ADAMTSL1: variants seen among roughly 807,000 people sequenced by gnomAD.
ADAMTSL1 encodes the protein ADAMTS like 1.
In ADAMTSL1, 126 loss-of-function variants were observed where a neutral mutation model predicts 201.8. That is an observed-to-expected ratio of 0.62 (90% CI 0.54 to 0.72). The LOEUF is 0.72. Among genes scored for constraint, ADAMTSL1 ranks in the 30% least tolerant of loss-of-function variants. The pLI is 0.00. For synonymous variants in ADAMTSL1, 1,121 were observed against 903.4 expected, an observed-to-expected ratio of 1.24 and a Z score of -4.32; for missense variants, 2,679 against 2,277.8, an observed-to-expected ratio of 1.18 and a Z score of -3.59.
intron 1 of ADAMTSL1, among the ~76,000 whole-genome samples, chr9:18,049,467 A>G (rs968903856): frequency 6.6e-6 from 1 of 152,164 alleles, no homozygotes; most frequent in Non-Finnish European, 1.5e-5. Flanking sequence ...GGACATCGGT[A>G]TGTCTAGATA....
intron 2 of ADAMTSL1, among the ~76,000 whole-genome samples, chr9:18,525,931 G>A (rs1270394281): frequency 2.0e-5 from 3 of 152,212 alleles, no homozygotes; most frequent in Non-Finnish European, 4.4e-5. Context: ...TTGATTTGGG[G>A]TGGAGAGTTT....
At chr9:18,646,821 G>A (rs1827843715) in intron 7 of ADAMTSL1, among the ~76,000 whole-genome samples, 1 of 152,068 alleles carries the variant, frequency 6.6e-6, no homozygotes, top group African/African-American at 2.4e-5. Context: ...TTGCATCAAT[G>A]TTCATCAAGG....
At chr9:18,702,532 G>A (rs1831980869) in intron 13 of ADAMTSL1, among the ~76,000 whole-genome samples, 1 of 152,082 alleles carries the variant, frequency 6.6e-6, no homozygotes, top group Admixed American at 6.5e-5. Flanking sequence ...TCTAATTAAA[G>A]AATATATTTT....
intron 3 of ADAMTSL1, among the ~76,000 whole-genome samples, chr9:18,541,530 T>G (rs1032647536): frequency 6.6e-6 from 1 of 151,484 alleles, no homozygotes; most frequent in Non-Finnish European, 1.5e-5. Flanking sequence ...AAAAAAAAAT[T>G]TATGGGTGGG....
rs1214251260 is a variant in ADAMTSL1, at chr9:18,286,299, TA to T, written c.207+122322del. Among the ~76,000 whole-genome samples, 5 of 152,304 alleles carry T rather than the reference TA, an allele frequency of 3.3e-5. No individual in the cohort carries two copies. In the East Asian group the frequency reaches 9.6e-4, roughly 29 times the overall value. ...CATTTAAACTTAGAAAAGTAGTACA[TA>T]AAATGTTCATGAAATACATGAATGG... On this transcript the variant is annotated intron_variant, in intron 2 of 29. Coordinates refer to the ADAMTSL1 transcript ENST00000680146.
chr9:18,841,647 G>A (rs1355505524), intron 23 of ADAMTSL1, among the ~76,000 whole-genome samples: 2 of 152,172 alleles, frequency 1.3e-5, no homozygotes, highest in Non-Finnish European at 2.9e-5. Context: ...GTAGAATTCG[G>A]CTGTGAATCC....
At chr9:18,438,635 A>AG (rs1164887959) in intron 2 of ADAMTSL1, among the ~76,000 whole-genome samples, 1 of 151,990 alleles carries the variant, frequency 6.6e-6, no homozygotes, top group Non-Finnish European at 1.5e-5. Context: ...GTTACCCTAG[A>AG]GGGGGCTGCA....
chr9:17,957,717 C>G (rs556667932), intron 1 of ADAMTSL1, among the ~76,000 whole-genome samples: 2 of 152,242 alleles, frequency 1.3e-5, no homozygotes, highest in East Asian at 3.9e-4. Flanking sequence ...AGAGCAGACC[C>G]TAAATCTGAT....
intron 1 of ADAMTSL1, among the ~76,000 whole-genome samples, chr9:18,133,187 T>G (rs922328374): frequency 6.6e-6 from 1 of 151,802 alleles, no homozygotes; most frequent in African/African-American, 2.4e-5. Flanking sequence ...GATTAAGGAG[T>G]CAGGGTTCAG....
chr9:18,224,476 A>T (rs1222561574), intron 2 of ADAMTSL1, among the ~76,000 whole-genome samples: 1 of 152,168 alleles, frequency 6.6e-6, no homozygotes, highest in Admixed American at 6.5e-5. Context: ...TTACATTTCA[A>T]TATGAATTTT....
intron 1 of ADAMTSL1, among the ~76,000 whole-genome samples, chr9:17,941,120 A>T (rs1205879759): frequency 6.6e-6 from 1 of 152,158 alleles, no homozygotes; most frequent in Admixed American, 6.6e-5. Context: ...TTGAAGTTGT[A>T]GTTCTGAGGC....
At chr9:18,526,869 C>CTAATCTAT (rs1819097077) in intron 2 of ADAMTSL1, among the ~76,000 whole-genome samples, 1 of 152,144 alleles carries the variant, frequency 6.6e-6, no homozygotes, top group Non-Finnish European at 1.5e-5. Flanking sequence ...AATCTATGGT[C>CTAATCTAT]GCTCTAAGAT....
chr9:18,332,175 C>A (rs558230719), intron 2 of ADAMTSL1, among the ~76,000 whole-genome samples: 1 of 152,264 alleles, frequency 6.6e-6, no homozygotes, highest in East Asian at 1.9e-4. Flanking sequence ...AAGGCACACT[C>A]CTCACTGTAC....
chr9:18,273,451 C>A (rs557704781), intron 2 of ADAMTSL1, among the ~76,000 whole-genome samples: 4 of 152,280 alleles, frequency 2.6e-5, no homozygotes, highest in East Asian at 1.9e-4. Flanking sequence ...TGTCTCTGAG[C>A]CTTTTATGTT....
At chr9:18,535,248 C>G (rs1819690294) in intron 3 of ADAMTSL1, among the ~76,000 whole-genome samples, 2 of 152,210 alleles carry the variant, frequency 1.3e-5, no homozygotes, top group African/African-American at 4.8e-5. Flanking sequence ...ATGCCACCAG[C>G]CTCTTTGCTA....
chr9:18,144,368 G>C (rs1366475504), intron 1 of ADAMTSL1, among the ~76,000 whole-genome samples: 1 of 151,896 alleles, frequency 6.6e-6, no homozygotes, highest in Non-Finnish European at 1.5e-5. Context: ...ATCAAACCTG[G>C]CTAATTTTTG....
chr9:18,721,071 C>T (rs1488221055), intron 14 of ADAMTSL1, among the ~76,000 whole-genome samples: 2 of 152,216 alleles, frequency 1.3e-5, no homozygotes, highest in Non-Finnish European at 2.9e-5. Flanking sequence ...ACCTCAAGAG[C>T]CCAGCAGTTT....
chr9:18,684,595 C>A, intron 12 of ADAMTSL1, 121 bp from the exon 13 acceptor site: 1 of 1,125,430 alleles, frequency 8.9e-7, no homozygotes, highest in Non-Finnish European at 1.2e-6. Flanking sequence ...AGCAATTTAC[C>A]CAAAAACTTA....
At chr9:18,648,882 C>A (rs1434501331) in intron 7 of ADAMTSL1, among the ~76,000 whole-genome samples, 2 of 152,070 alleles carry the variant, frequency 1.3e-5, no homozygotes, top group Non-Finnish European at 2.9e-5. Context: ...TTGCTCTTCT[C>A]GAGGAGTACC....
Sources: gnomAD v4.1 joint callset for allele counts (sites outside exome capture counted in the v4.1 genomes callset) on GRCh38, gnomAD v4.1.1 for gene constraint, MANE v1.5 for transcripts, NCBI Gene and HGNC (gene_info 2026-07-23, HGNC 2026-07-21) for gene names.